The following PLEKHA1 variants were observed in gnomAD, a reference collection of about 807,000 sequenced individuals.
PLEKHA1 encodes pleckstrin homology domain containing A1.
PLEKHA1 carries 34 observed loss-of-function variants against 52.0 expected under a neutral mutation model. The ratio of observed to expected loss-of-function variants is 0.65; its 90% CI spans 0.50 to 0.87. PLEKHA1 has a LOEUF of 0.87. Among genes scored for constraint, PLEKHA1 ranks in the 40% least tolerant of loss-of-function variants. PLEKHA1 has a pLI of 0.00. For missense variants in PLEKHA1, 497 were observed against 504.2 expected (o/e 0.99, Z 0.14); for synonymous variants, 163 against 170.7 (o/e 0.95, Z 0.35).
intron 1 of PLEKHA1, among the ~76,000 whole-genome samples, chr10:122,383,394 A>G (rs1281482801): frequency 7.2e-6 from 1 of 137,970 alleles, no homozygotes; most frequent in Non-Finnish European, 1.5e-5. Flanking sequence ...ATCATAGCTT[A>G]CTGCAGACTC....
intron 1 of PLEKHA1, among the ~76,000 whole-genome samples, chr10:122,390,000 A>C (rs894983366): frequency 6.6e-6 from 1 of 152,176 alleles, no homozygotes; most frequent in East Asian, 1.9e-4. Context: ...ATACATTCAA[A>C]ATCTCTTTAC....
At chr10:122,404,314 A>G (rs1451356572) in intron 4 of PLEKHA1, among the ~76,000 whole-genome samples, 1 of 152,154 alleles carries the variant, frequency 6.6e-6, no homozygotes, top group Non-Finnish European at 1.5e-5. Flanking sequence ...GATTTTATTC[A>G]GATTGCAAGG....
At position 122,426,099 on chromosome 10, in the gene PLEKHA1, G is replaced by A. The variant is rs149340882; in HGVS notation, c.811-843G>A. ...CTGTGTTACTCTGTTCATGTGCATAGTTTTTGTACATTTACTGTAATAAAA... is the reference window on the plus strand; with the variant it reads ...CTGTGTTACTCTGTTCATGTGCATAATTTTTGTACATTTACTGTAATAAAA... On this transcript the variant is annotated intron_variant, in intron 10 of 11. Transcript: ENST00000368990. 1.7e-3 allele frequency among the ~76,000 whole-genome samples: 263 copies of A among 152,218 alleles called. 8 individuals carry two copies. In the East Asian group the frequency reaches 0.036, roughly 21 times the overall value.
At chr10:122,384,964 G>T (rs985824834) in intron 1 of PLEKHA1, among the ~76,000 whole-genome samples, 1 of 152,058 alleles carries the variant, frequency 6.6e-6, no homozygotes, top group African/African-American at 2.4e-5. Context: ...CTCAAAAAAA[G>T]AATTTTTTTT....
At chr10:122,383,548 C>G (rs923345024) in intron 1 of PLEKHA1, among the ~76,000 whole-genome samples, 5 of 150,298 alleles carry the variant, frequency 3.3e-5, no homozygotes. Flanking sequence ...AATTGCTGAG[C>G]TCACACAATC....
intron 4 of PLEKHA1, among the ~76,000 whole-genome samples, chr10:122,405,692 G>A (rs1176816674): frequency 6.6e-6 from 1 of 151,860 alleles, no homozygotes; most frequent in Non-Finnish European, 1.5e-5. Flanking sequence ...GGAATTAGAC[G>A]CATGAAGCAA....
chr10:122,397,909 T>C lies in PLEKHA1; in HGVS notation c.142-9T>C. ...GGATATTAAGTATATATTAATACTT[T>C]GTTTCTAGAACCTACCTTCTGGATC... On this transcript the variant is annotated splice_polypyrimidine_tract_variant and intron_variant, in intron 2 of 11. Transcript: ENST00000368990. 2.5e-6 allele frequency: 4 copies of C among 1,587,310 alleles called. No homozygotes were observed. Among genetic ancestry groups the C allele is most frequent in the Non-Finnish European group, 1.7e-6 (2 of 1,157,930 alleles).
chr10:122,422,993 G>C (rs982669609), intron 8 of PLEKHA1: 1 of 151,810 alleles, frequency 6.6e-6, no homozygotes, highest in African/African-American at 2.4e-5. Flanking sequence ...CAACAGTTTA[G>C]AAAACAAGGT....
At chr10:122,410,490 C>T (rs1346200434) in intron 5 of PLEKHA1, among the ~76,000 whole-genome samples, 3 of 152,126 alleles carry the variant, frequency 2.0e-5, no homozygotes, top group Non-Finnish European at 4.4e-5. Context: ...ATCTTAATGG[C>T]TGAATTTAGA....
At position 122,417,966 on chromosome 10, in the gene PLEKHA1, C is replaced by A; in HGVS notation, c.679C>A (p.Leu227Met). The change falls in exon 8 of 12, where the codon CTG (leucine) becomes ATG (methionine). Residue 227 changes from leucine to methionine, a missense_variant and splice_region_variant. By Grantham distance (15) the Leu-to-Met change is conservative. Transcript: ENST00000368990. ...CACAATAGGCTACTTCAAATCTGAA[C>A]TGGTATGTTGTTACGTCATAAATGT... is the stretch of plus-strand genomic sequence containing the variant. ...ENTIGYFKSELEKEPLRVIPL... is the reference protein window; with the variant it reads ...ENTIGYFKSEMEKEPLRVIPL... 1.2e-6 allele frequency: 2 copies of A among 1,605,658 alleles called. No homozygotes were observed. The highest frequency in any genetic ancestry group is 1.7e-6 in the Non-Finnish European group (2 of 1,172,834).
At chr10:122,411,619 A>G (rs2097107754) in intron 5 of PLEKHA1, among the ~76,000 whole-genome samples, 6 of 152,196 alleles carry the variant, frequency 3.9e-5, no homozygotes, top group South Asian at 2.1e-4. Context: ...CACTATAGAT[A>G]TGTTGAGTCA....
Position 122,429,777 on chromosome 10 carries a change from A to G in PLEKHA1, c.1054A>G (p.Lys352Glu). Residue 352 changes from lysine to glutamate, a missense_variant, in exon 12 of 12, where the codon AAG becomes GAG. Lys to Glu is a moderately conservative substitution (Grantham distance 56). Transcript: ENST00000368990. Reference sequence around the variant, plus strand: ...ATTTTACGAGTCTCTTGCCAAGGTCAAGCCAGGGAACTTCAAGGTCCAGAC... The same window carrying G: ...ATTTTACGAGTCTCTTGCCAAGGTCGAGCCAGGGAACTTCAAGGTCCAGAC... ...RGFYESLAKVKPGNFKVQTVS... is the reference protein window; with the variant it reads ...RGFYESLAKVEPGNFKVQTVS... The G allele has an allele frequency of 1.2e-6, 2 of 1,614,222 alleles. No individual in the cohort carries two copies. Among genetic ancestry groups the G allele is most frequent in the Non-Finnish European group, 1.7e-6 (2 of 1,180,044 alleles).
chr10:122,427,080 C>G (rs2097350230), intron 11 of PLEKHA1, 49 bp downstream of exon 11: 2 of 1,508,142 alleles, frequency 1.3e-6, no homozygotes, highest in African/African-American at 2.8e-5. Context: ...CTCCCCCATC[C>G]TATCAAATTT....
At chr10:122,440,314 T>C in the PLEKHA1 span, 4 of 152,252 alleles carry the variant, frequency 2.6e-5, no homozygotes, top group African/African-American at 7.2e-5. Context: ...TTTGAACTTA[T>C]CCTACGTTCA....
intron 5 of PLEKHA1, among the ~76,000 whole-genome samples, chr10:122,406,959 G>T (rs73367716): frequency 1.3e-5 from 2 of 152,196 alleles, no homozygotes; most frequent in Non-Finnish European, 2.9e-5. Flanking sequence ...CGCTTAGCAC[G>T]TAGAGTTCTA....
chr10:122,382,716 C>A (rs1352169581), intron 1 of PLEKHA1, among the ~76,000 whole-genome samples: 3 of 152,032 alleles, frequency 2.0e-5, no homozygotes, highest in Admixed American at 2.0e-4. Flanking sequence ...ACAGTTTGTT[C>A]TTTTGTTTTT....
intron 1 of PLEKHA1, among the ~76,000 whole-genome samples, chr10:122,376,342 A>G (rs1006225888): frequency 6.6e-6 from 1 of 151,938 alleles, no homozygotes; most frequent in Non-Finnish European, 1.5e-5. Context: ...GTACTGATAC[A>G]TTTAAAAAAG....
At chr10:122,403,172 T>C (rs769057472) in intron 4 of PLEKHA1, among the ~76,000 whole-genome samples, 5 of 152,210 alleles carry the variant, frequency 3.3e-5, no homozygotes, top group African/African-American at 7.2e-5. Context: ...TCATTTTGCA[T>C]TTCTTTGAAA....
At chr10:122,427,458 G>T (rs577346637) in intron 11 of PLEKHA1, among the ~76,000 whole-genome samples, 1 of 152,198 alleles carries the variant, frequency 6.6e-6, no homozygotes, top group South Asian at 2.1e-4. Flanking sequence ...AGGTTTTTTG[G>T]TTTTGTTTTG....
Sources: allele counts gnomAD v4.1 joint callset (sites outside exome capture counted in the v4.1 genomes callset), GRCh38; gene constraint gnomAD v4.1.1; transcripts MANE v1.5; gene names NCBI Gene and HGNC (gene_info 2026-07-23, HGNC 2026-07-21).